Variants in SPTB observed in about 807,000 individuals in gnomAD.
SPTB encodes the protein spectrin beta chain, erythrocytic.
Under a neutral mutation model 256.2 loss-of-function variants are expected in SPTB, and 45 were observed. The ratio of observed to expected loss-of-function variants is 0.18; its 90% CI spans 0.14 to 0.23. SPTB has a LOEUF of 0.23. SPTB is among the 10% of genes least tolerant of loss of function. The pLI, the probability that SPTB is intolerant of heterozygous loss-of-function variation, is 1.00. For missense variants in SPTB, 2,715 were observed against 3,040.4 expected, an observed-to-expected ratio of 0.89 and a Z score of 2.52; for synonymous variants, 1,231 against 1,243.1, an observed-to-expected ratio of 0.99 and a Z score of 0.21.
rs2082598819 is a variant in SPTB at position 64,787,702 on chromosome 14, A to G, written c.2805-542T>C. 2.0e-5 allele frequency among the ~76,000 whole-genome samples: 3 copies of G among 152,218 alleles called. No homozygotes were observed. The South Asian group carries it at 6.2e-4, about 32-fold the overall frequency. On this transcript the variant is annotated intron_variant, in intron 15 of 35. Coordinates refer to ENST00000644917, the MANE Select transcript of SPTB (RefSeq NM_001355436.2). The stretch of plus-strand genomic sequence containing the variant: ...GAGGACAGGGAAGAAGAGAATGGGG[A>G]GGAATAAGTTGTGATGATAATTTAA...
chr14:64,834,474 G>A (rs996025655), intron 1 of SPTB, among the ~76,000 whole-genome samples: 1 of 151,354 alleles, frequency 6.6e-6, no homozygotes, highest in Non-Finnish European at 1.5e-5. Context: ...TGTCCGGGCT[G>A]GAGTGCAGTG....
At position 64,806,405 on chromosome 14, in the gene SPTB, A is replaced by G. The variant is rs74056026; in HGVS notation, c.149-1315T>C. Among the ~76,000 whole-genome samples the G allele has an allele frequency of 0.11, 16,719 of 152,242 alleles. 1,002 individuals carry two copies. The highest frequency in any genetic ancestry group is 0.23 in the East Asian group (1,194 of 5,174). ...TGGAGGGGGAGATCACAGCCAGGAC[A>G]TACCTGGAGTGGCCTAGCCAGGAGC... On this transcript the variant is annotated intron_variant, in intron 2 of 35. Coordinates refer to ENST00000644917, the MANE Select transcript of SPTB (RefSeq NM_001355436.2). This position sits in a 1 kb window ranked among gnomAD's most constrained non-coding sequence, Gnocchi z 4.1.
chr14:64,833,805 C>T (rs749224756), intron 1 of SPTB, among the ~76,000 whole-genome samples: 4 of 152,090 alleles, frequency 2.6e-5, no homozygotes, highest in African/African-American at 9.7e-5. Flanking sequence ...AGCTAAAGAT[C>T]GTTTGTTGAA....
chr14:64,835,406 C>T (rs954102662), intron 1 of SPTB, among the ~76,000 whole-genome samples: 18 of 152,134 alleles, frequency 1.2e-4, no homozygotes, highest in South Asian at 4.2e-4. Context: ...CCACCTTGTC[C>T]GGCTAGTTTT....
chr14:64,787,941 G>T (rs2139573025), intron 15 of SPTB, among the ~76,000 whole-genome samples: 1 of 152,326 alleles, frequency 6.6e-6, no homozygotes, highest in Admixed American at 6.5e-5. Context: ...CAGGCTGAAT[G>T]CTCATTCTCT....
At chr14:64,814,326 A>G (rs556422676) in intron 2 of SPTB, among the ~76,000 whole-genome samples, 5 of 152,196 alleles carry the variant, frequency 3.3e-5, no homozygotes, top group Non-Finnish European at 4.4e-5. Context: ...GTCTAAGATT[A>G]TATTATAGAT....
Position 64,793,502 on chromosome 14 carries a change from C to T in SPTB, c.2161G>A (p.Val721Met). ...HPQIEARIKE[V>M]SAQWDQLKDL... is the part of the protein sequence containing the mutation. ...TTCAGCTGGTCCCACTGTGCCGACACCTCCTTTATGCGGGCCTCGATCTGC... is the reference window on the plus strand; with the variant it reads ...TTCAGCTGGTCCCACTGTGCCGACATCTCCTTTATGCGGGCCTCGATCTGC... Residue 721 changes from valine to methionine, a missense_variant, in exon 14 of 36, where the codon GTG becomes ATG. Physicochemically the swap from Val to Met is conservative, Grantham distance 21. Around this residue, in one of 4 missense-constraint regions of SPTB, gnomAD observed 2,239 missense variants for 2,384.4 expected, o/e 0.94. Coordinates refer to ENST00000644917, the MANE Select transcript of SPTB (RefSeq NM_001355436.2). This position sits in a 1 kb window ranked among gnomAD's most constrained non-coding sequence, Gnocchi z 7.0. The T allele has an allele frequency of 6.2e-7, 1 of 1,614,148 alleles. No individual in the cohort carries two copies. Among genetic ancestry groups the T allele is most frequent in the South Asian group, 1.1e-5 (1 of 91,082 alleles).
chr14:64,835,105 T>C (rs2083503284), intron 1 of SPTB, among the ~76,000 whole-genome samples: 1 of 152,194 alleles, frequency 6.6e-6, no homozygotes, highest in African/African-American at 2.4e-5. Context: ...AGGGAACAGG[T>C]GCTGGCTAGA....
At position 64,786,695 on chromosome 14, in the gene SPTB, G is replaced by A. The variant is rs145989652; in HGVS notation, c.3270C>T (p.Pro1090=). ...GCTGCTCAGCCTCTGGGAGGGATTCGGGCATGTCCTCAGAGGCCACAGCCT... is the reference window on the plus strand; with the variant it reads ...GCTGCTCAGCCTCTGGGAGGGATTCAGGCATGTCCTCAGAGGCCACAGCCT... ...TQKAVASEDM[P]ESLPEAEQLL... The change falls in exon 16 of 36, where the codon CCC becomes CCT. Residue 1090 remains proline (P), a synonymous_variant. Coordinates refer to ENST00000644917, the MANE Select transcript of SPTB (RefSeq NM_001355436.2). This position sits in a 1 kb window ranked among gnomAD's most constrained non-coding sequence, Gnocchi z 5.6. 3.2e-5 allele frequency: 51 copies of A among 1,613,976 alleles called. No individual in the cohort carries two copies. The African/African-American group carries it at 4.8e-4, about 15-fold the overall frequency.
In SPTB at chr14:64,824,294, A is replaced by G. The variant is rs895358855; in HGVS notation, c.-51-1149T>C. ...ACAGGTGGGAAAGGACAAGAGTCCA[A>G]GCAAAGGGAATAAAGAGTAGGTGTA... On this transcript the variant is annotated intron_variant, in intron 1 of 35. Coordinates refer to ENST00000644917, the MANE Select transcript of SPTB (RefSeq NM_001355436.2). This position sits in a 1 kb window ranked among gnomAD's most constrained non-coding sequence, Gnocchi z 5.7. 5.9e-5 allele frequency among the ~76,000 whole-genome samples: 9 copies of G among 152,146 alleles called. No homozygotes were observed. The highest frequency in any genetic ancestry group is 7.4e-5 in the Non-Finnish European group (5 of 68,022).
At chr14:64,780,632 C>T (rs1041011454) in intron 20 of SPTB, among the ~76,000 whole-genome samples, 2 of 152,142 alleles carry the variant, frequency 1.3e-5, no homozygotes, top group Admixed American at 6.5e-5. Context: ...AGGCTGGTCT[C>T]GAACTCCTGA....
In SPTB at chr14:64,764,270, C is replaced by T. The variant is rs1212450217; in HGVS notation, c.6345+2456G>A. 6.6e-6 allele frequency among the ~76,000 whole-genome samples: 1 copy of T among 152,232 alleles called. No homozygotes were observed. The highest frequency in any genetic ancestry group is 1.9e-4 in the East Asian group (1 of 5,186). On this transcript the variant is annotated intron_variant, in intron 32 of 35. Coordinates refer to ENST00000644917, the MANE Select transcript of SPTB (RefSeq NM_001355436.2). This position sits in a 1 kb window ranked among gnomAD's most constrained non-coding sequence, Gnocchi z 4.2. ...CTAGAGCCAGGTTGGGCTTTCCCGACAGGCTCTGTCCTCCTCTTTCTTGCA... is the reference window on the plus strand; with the variant it reads ...CTAGAGCCAGGTTGGGCTTTCCCGATAGGCTCTGTCCTCCTCTTTCTTGCA...
intron 32 of SPTB, among the ~76,000 whole-genome samples, chr14:64,761,894 T>C (rs1326104901): frequency 6.6e-6 from 1 of 152,068 alleles, no homozygotes; most frequent in African/African-American, 2.4e-5. Flanking sequence ...TCAAACCCAT[T>C]TCTGAGATGC....
At chr14:64,874,915 T>C (rs893368853) in intron 1 of SPTB, among the ~76,000 whole-genome samples, 6 of 152,228 alleles carry the variant, frequency 3.9e-5, no homozygotes, top group East Asian at 1.9e-4. Flanking sequence ...CTGGATGATC[T>C]GAGCCTGGTT....
intron 1 of SPTB, among the ~76,000 whole-genome samples, chr14:64,836,758 G>T (rs367784756): frequency 6.6e-6 from 1 of 152,206 alleles, no homozygotes; most frequent in Non-Finnish European, 1.5e-5. Context: ...GGTCTTAAAA[G>T]TGCCTTGCAC....
At chr14:64,870,020 T>G (rs1159845262) in intron 1 of SPTB, among the ~76,000 whole-genome samples, 1 of 152,130 alleles carries the variant, frequency 6.6e-6, no homozygotes, top group East Asian at 1.9e-4. Flanking sequence ...GTTTTGTTTT[T>G]AAGCATGAGA....
intron 1 of SPTB, among the ~76,000 whole-genome samples, chr14:64,838,784 G>A (rs979096390): frequency 2.0e-5 from 3 of 152,086 alleles, no homozygotes; most frequent in Non-Finnish European, 4.4e-5. Flanking sequence ...CTCAGCAATT[G>A]CATTGACAGG....
rs551894465 is a variant in SPTB, at chr14:64,760,970, C to T, written c.6345+5756G>A. On this transcript the variant is annotated intron_variant, in intron 32 of 35. Coordinates refer to ENST00000644917, the MANE Select transcript of SPTB (RefSeq NM_001355436.2). This position sits in a 1 kb window ranked among gnomAD's most constrained non-coding sequence, Gnocchi z 4.3. The stretch of plus-strand genomic sequence containing the variant: ...GAAAGCACCTGCCCGATGGGGTTCA[C>T]AGTCTAAATGAGATGATCCTGGCTT... Among the ~76,000 whole-genome samples the T allele has an allele frequency of 3.0e-4, 45 of 152,338 alleles. No homozygotes were observed. Among genetic ancestry groups the T allele is most frequent in the South Asian group, 6.2e-4 (3 of 4,830 alleles).
At position 64,801,337 on chromosome 14, in the gene SPTB, T is replaced by C. The variant is rs1284899717; in HGVS notation, c.711A>G (p.Ala237=). The change falls in exon 7 of 36, where the codon GCA becomes GCG. Residue 237 remains alanine (A), a synonymous_variant. Transcript: ENST00000644917. The part of the protein sequence containing the change: ...DSNARHNLEH[A]FNVAERQLGI... ...CCAGCTGGCGCTCAGCCACATTGAA[T>C]GCGTGCTCCAGGTTGTGCCGGGCAT... 1.2e-6 allele frequency: 2 copies of C among 1,614,198 alleles called. No homozygotes were observed. Among genetic ancestry groups the C allele is most frequent in the Non-Finnish European group, 1.7e-6 (2 of 1,180,014 alleles).
Sources: allele counts gnomAD v4.1 joint callset (sites outside exome capture counted in the v4.1 genomes callset), GRCh38; gene constraint gnomAD v4.1.1; regional missense constraint gnomAD v4.1.1; non-coding constraint Gnocchi (gnomAD v3.1); transcripts MANE v1.5; gene names NCBI Gene and HGNC (gene_info 2026-07-23, HGNC 2026-07-21).